EEFSEC: variants seen among roughly 807,000 people sequenced by gnomAD.
EEFSEC encodes eukaryotic elongation factor, selenocysteine-tRNA specific, also known as selenocysteine-specific elongation factor.
In EEFSEC, 43 loss-of-function variants were observed where a neutral mutation model predicts 42.1. The ratio of observed to expected loss-of-function variants is 1.02; its 90% CI spans 0.80 to 1.32. EEFSEC has a LOEUF of 1.32. Among genes scored for constraint, EEFSEC ranks in the 40% most tolerant of loss-of-function variants. The pLI, the probability that EEFSEC is intolerant of heterozygous loss-of-function variation, is 0.00. For synonymous variants in EEFSEC, 354 were observed against 339.1 expected (o/e 1.04, Z -0.48); for missense variants, 745 against 803.6 (o/e 0.93, Z 0.88).
At chr3:128,407,849 G>C (rs1248885359) in intron 6 of EEFSEC, among the ~76,000 whole-genome samples, 1 of 152,166 alleles carries the variant, frequency 6.6e-6, no homozygotes, top group Non-Finnish European at 1.5e-5. Flanking sequence ...CTGAGCACGG[G>C]GGTGGTGAGC....
At chr3:128,207,104 G>A (rs751377721) in intron 1 of EEFSEC, among the ~76,000 whole-genome samples, 30 of 152,114 alleles carry the variant, frequency 2.0e-4, no homozygotes, top group Non-Finnish European at 4.4e-4. Context: ...GCTTAATTCT[G>A]AACCATCTAA....
the EEFSEC span, among the ~76,000 whole-genome samples, chr3:128,424,983 G>C: frequency 2.0e-5 from 3 of 152,038 alleles, no homozygotes; most frequent in African/African-American, 7.3e-5. Flanking sequence ...CAAGCAGGTA[G>C]GACTGGTCAA....
chr3:128,416,724 A>G, the EEFSEC span, among the ~76,000 whole-genome samples: 50 of 152,244 alleles, frequency 3.3e-4, 1 homozygote, highest in East Asian at 9.3e-3. Context: ...AGAGCTGGAC[A>G]GCATGAACTT....
rs57218533 is a variant in EEFSEC at position 128,255,025 on chromosome 3, C to T, written c.525-7103C>T. Among the ~76,000 whole-genome samples the T allele has an allele frequency of 2.0e-3, 305 of 152,262 alleles. 1 individual carries two copies. Among genetic ancestry groups the T allele is most frequent in the African/African-American group, 7.0e-3 (291 of 41,550 alleles). On this transcript the variant is annotated intron_variant, in intron 2 of 6. Coordinates refer to ENST00000254730, the MANE Select transcript of EEFSEC (RefSeq NM_021937.5). Reference sequence around the variant, plus strand: ...AGTCAGAGAGGACTAATTCAGAGGCCAGGGCAATGCCATCCCATATCAGAG... The same window carrying T: ...AGTCAGAGAGGACTAATTCAGAGGCTAGGGCAATGCCATCCCATATCAGAG...
downstream of EEFSEC, among the ~76,000 whole-genome samples, chr3:128,410,906 C>T (rs753480094): frequency 1.2e-4 from 18 of 152,168 alleles, no homozygotes; most frequent in Non-Finnish European, 2.1e-4. Context: ...GGAGGGGGCT[C>T]GGGTGGAGGA....
chr3:128,187,219 C>T (rs2065474854), intron 1 of EEFSEC, among the ~76,000 whole-genome samples: 2 of 152,182 alleles, frequency 1.3e-5, no homozygotes, highest in Admixed American at 1.3e-4. Context: ...CCTCCAGCCC[C>T]ATTGATATTT....
chr3:128,216,340 C>T (rs9873989), intron 1 of EEFSEC, among the ~76,000 whole-genome samples: 6,667 of 152,296 alleles, frequency 0.044, 488 homozygotes, highest in African/African-American at 0.15. Context: ...GTCCACTAAC[C>T]AGTCTGCAGA....
intron 1 of EEFSEC, among the ~76,000 whole-genome samples, chr3:128,225,715 T>G (rs768635295): frequency 6.6e-6 from 1 of 152,230 alleles, no homozygotes; most frequent in Middle Eastern, 3.2e-3. Flanking sequence ...AGACCTCTTC[T>G]GCATCCCCTT....
At chr3:128,379,561 T>C (rs2067749380) in intron 6 of EEFSEC, among the ~76,000 whole-genome samples, 1 of 152,218 alleles carries the variant, frequency 6.6e-6, no homozygotes, top group Admixed American at 6.5e-5. Context: ...AGAAACCATC[T>C]GCTGGCTGGC....
At chr3:128,258,737 C>T (rs1027255780) in intron 2 of EEFSEC, among the ~76,000 whole-genome samples, 5 of 151,858 alleles carry the variant, frequency 3.3e-5, no homozygotes, top group South Asian at 2.1e-4. Flanking sequence ...ATCGTTTTTT[C>T]GTTGGTTTGA....
At chr3:128,216,801 T>C (rs1432955058) in intron 1 of EEFSEC, among the ~76,000 whole-genome samples, 1 of 152,198 alleles carries the variant, frequency 6.6e-6, no homozygotes, top group African/African-American at 2.4e-5. Context: ...GTCCCCATAG[T>C]TGTGACTGAT....
intron 6 of EEFSEC, among the ~76,000 whole-genome samples, chr3:128,390,841 G>A (rs185706685): frequency 2.6e-5 from 4 of 152,306 alleles, no homozygotes; most frequent in East Asian, 1.9e-4. Flanking sequence ...CTCCCCACAC[G>A]CTGGCCCCAG....
intron 6 of EEFSEC, among the ~76,000 whole-genome samples, chr3:128,361,966 G>T (rs2067531178): frequency 6.6e-6 from 1 of 152,236 alleles, no homozygotes; most frequent in Non-Finnish European, 1.5e-5. Flanking sequence ...CCATCTCACA[G>T]GTGGGAGCCG....
chr3:128,175,957 T>A (rs1297838829), intron 1 of EEFSEC, among the ~76,000 whole-genome samples: 1 of 152,224 alleles, frequency 6.6e-6, no homozygotes, highest in East Asian at 1.9e-4. Context: ...AATGCACAGC[T>A]CTGAGCCTCA....
At chr3:128,202,654 T>A (rs2065655129) in intron 1 of EEFSEC, among the ~76,000 whole-genome samples, 1 of 152,244 alleles carries the variant, frequency 6.6e-6, no homozygotes, top group African/African-American at 2.4e-5. Context: ...GTTCTTTTTC[T>A]TAACTTATTA....
chr3:128,280,358 A>G (rs2066513150), intron 4 of EEFSEC, among the ~76,000 whole-genome samples: 1 of 152,250 alleles, frequency 6.6e-6, no homozygotes, highest in African/African-American at 2.4e-5. Flanking sequence ...TTATGAAAGA[A>G]AAAATATAAA....
At chr3:128,213,901 A>G (rs1001503849) in intron 1 of EEFSEC, among the ~76,000 whole-genome samples, 3 of 152,188 alleles carry the variant, frequency 2.0e-5, no homozygotes, top group Admixed American at 6.5e-5. Flanking sequence ...TCACAAAAGA[A>G]CTAACCTCCC....
chr3:128,210,475 C>G (rs1439997134), intron 1 of EEFSEC, among the ~76,000 whole-genome samples: 3 of 152,156 alleles, frequency 2.0e-5, no homozygotes, highest in African/African-American at 4.8e-5. Flanking sequence ...ATGGCTTCAC[C>G]CCTCACATCT....
At chr3:128,379,637 C>G (rs370923489) in intron 6 of EEFSEC, among the ~76,000 whole-genome samples, 3 of 152,212 alleles carry the variant, frequency 2.0e-5, no homozygotes, top group African/African-American at 7.2e-5. Context: ...GCTGTCATGT[C>G]TCTGGGGCCC....
Sources: allele counts gnomAD v4.1 joint callset (sites outside exome capture counted in the v4.1 genomes callset), GRCh38; gene constraint gnomAD v4.1.1; transcripts MANE v1.5; gene names NCBI Gene and HGNC (gene_info 2026-07-23, HGNC 2026-07-21).